KGD4: variants seen among roughly 807,000 people sequenced by gnomAD.
KGD4 encodes the protein alpha-ketoglutarate dehydrogenase subunit 4.
chr5:69,218,470 ATGTG>A, the KGD4 span, among the ~76,000 whole-genome samples: 780 of 148,628 alleles, frequency 5.2e-3, 4 homozygotes, highest in African/African-American at 0.016. Flanking sequence ...GTGTATATTA[ATGTG>A]TGTGTGTGTG....
chr5:69,227,329 T>A, the KGD4 span, among the ~76,000 whole-genome samples: 1 of 152,178 alleles, frequency 6.6e-6, no homozygotes, highest in African/African-American at 2.4e-5. Context: ...ATAATAACCA[T>A]TCCTGTTTCT....
At chr5:69,218,470 A>ATGTGTGTGTGTGTGTG in the KGD4 span, among the ~76,000 whole-genome samples, 2,146 of 148,602 alleles carry the variant, frequency 0.014, 22 homozygotes, top group African/African-American at 0.034. Context: ...GTGTATATTA[A>ATGTGTGTGTGTGTGTG]TGTGTGTGTG....
chr5:69,225,080 GAAA>G, the KGD4 span, among the ~76,000 whole-genome samples: 1 of 104,956 alleles, frequency 9.5e-6, no homozygotes. Context: ...TCTGAAAAAA[GAAA>G]AAAAAAAAAA....
chr5:69,228,179 C>CTT, the KGD4 span: 4,612 of 1,364,730 alleles, frequency 3.4e-3, no homozygotes, highest in South Asian at 6.5e-3. Context: ...CTAATAAGGT[C>CTT]TTTTTTTTTT....
the KGD4 span, chr5:69,228,177 G>T: frequency 3.8e-6 from 5 of 1,321,852 alleles, no homozygotes; most frequent in East Asian, 4.9e-5. Context: ...CTCTAATAAG[G>T]TCTTTTTTTT....
chr5:69,217,959 G>A, the KGD4 span: 7 of 1,607,140 alleles, frequency 4.4e-6, no homozygotes, highest in Admixed American at 6.7e-5. Context: ...GGCGGTGGCA[G>A]AGGCAGAGCG....
At chr5:69,218,553 G>A in the KGD4 span, among the ~76,000 whole-genome samples, 1 of 151,826 alleles carries the variant, frequency 6.6e-6, no homozygotes, top group Non-Finnish European at 1.5e-5. Context: ...GACAGCTAAA[G>A]TAACTTTGTT....
At chr5:69,220,627 A>G in the KGD4 span, among the ~76,000 whole-genome samples, 2 of 151,334 alleles carry the variant, frequency 1.3e-5, no homozygotes, top group Non-Finnish European at 2.9e-5. Context: ...GCCTGGCCGC[A>G]GTGCAATCTT....
chr5:69,223,541 A>G, the KGD4 span, among the ~76,000 whole-genome samples: 1 of 152,212 alleles, frequency 6.6e-6, no homozygotes, highest in Non-Finnish European at 1.5e-5. Context: ...ATGTACTACA[A>G]ATATATAAAT....
the KGD4 span, chr5:69,226,267 C>T: frequency 1.5e-5 from 16 of 1,058,270 alleles, no homozygotes; most frequent in Non-Finnish European, 2.3e-5. Flanking sequence ...AACGTATCTA[C>T]TTATGAGGTT....
chr5:69,227,842 C>T, the KGD4 span, among the ~76,000 whole-genome samples: 15 of 152,284 alleles, frequency 9.9e-5, no homozygotes, highest in African/African-American at 3.6e-4. Context: ...GGTGCAGTGG[C>T]ACATGCCTAT....
chr5:69,223,060 G>A, the KGD4 span, among the ~76,000 whole-genome samples: 1 of 140,020 alleles, frequency 7.1e-6, no homozygotes, highest in African/African-American at 2.7e-5. Flanking sequence ...ACAGGCGTGA[G>A]TCACGGTGCG....
At chr5:69,218,137 T>G in the KGD4 span, 5 of 514,800 alleles carry the variant, frequency 9.7e-6, no homozygotes, top group South Asian at 5.2e-5. Flanking sequence ...ACTGCCGGGA[T>G]CCCCCGCTCC....
At chr5:69,228,394 C>T in the KGD4 span, 112 of 1,589,440 alleles carry the variant, frequency 7.0e-5, no homozygotes, top group Non-Finnish European at 8.9e-5. Context: ...CCAAGTATGT[C>T]GTTGCTCTTT....
the KGD4 span, among the ~76,000 whole-genome samples, chr5:69,220,753 A>T: frequency 6.6e-6 from 1 of 152,102 alleles, no homozygotes; most frequent in African/African-American, 2.4e-5. Context: ...AAAGGGGGAA[A>T]TGTGGGGAAA....
At chr5:69,228,400 T>G in the KGD4 span, 1 of 1,587,512 alleles carries the variant, frequency 6.3e-7, no homozygotes, top group Non-Finnish European at 8.5e-7. Context: ...ATGTCGTTGC[T>G]CTTTATCCCA....
the KGD4 span, among the ~76,000 whole-genome samples, chr5:69,225,510 C>G: frequency 1.9e-4 from 29 of 151,792 alleles, no homozygotes; most frequent in African/African-American, 6.8e-4. Flanking sequence ...CGTGATCCAC[C>G]TGCCTCAGCC....
chr5:69,221,647 A>G, the KGD4 span, among the ~76,000 whole-genome samples: 2 of 152,190 alleles, frequency 1.3e-5, no homozygotes, highest in Non-Finnish European at 2.9e-5. Flanking sequence ...GCAAAATGCA[A>G]AACTATAAAA....
the KGD4 span, chr5:69,228,489 A>T: frequency 1.7e-6 from 2 of 1,205,346 alleles, no homozygotes; most frequent in Non-Finnish European, 2.3e-6. Context: ...TTGTCTTGTC[A>T]GAGTGTGGTC....
Sources: allele counts gnomAD v4.1 joint callset (sites outside exome capture counted in the v4.1 genomes callset), GRCh38; gene constraint gnomAD v4.1.1; transcripts MANE v1.5; gene names NCBI Gene and HGNC (gene_info 2026-07-23, HGNC 2026-07-21).